DYRK4: variants seen among roughly 807,000 people sequenced by gnomAD.
DYRK4 encodes dual specificity tyrosine phosphorylation regulated kinase 4, also known as dual specificity tyrosine-phosphorylation-regulated kinase 4.
A neutral mutation model predicts 68.3 loss-of-function variants in DYRK4; 64 were observed. That is an observed-to-expected ratio of 0.94 (90% CI 0.77 to 1.15). DYRK4 has a LOEUF of 1.15. Among genes scored for constraint, DYRK4 ranks in the 50% most tolerant of loss-of-function variants. The pLI is 0.00. For missense variants in DYRK4, 740 were observed against 764.7 expected (o/e 0.97, Z 0.38); for synonymous variants, 274 against 289.9 (o/e 0.95, Z 0.56).
At chr12:4,576,231 T>C (rs983834320) in intron 2 of DYRK4, among the ~76,000 whole-genome samples, 1 of 152,238 alleles carries the variant, frequency 6.6e-6, no homozygotes, top group African/African-American at 2.4e-5. Flanking sequence ...ACTGTCTCCT[T>C]AGTTTTGCCT....
At chr12:4,609,769 G>A (rs762761560) in intron 12 of DYRK4, among the ~76,000 whole-genome samples, 1 of 152,186 alleles carries the variant, frequency 6.6e-6, no homozygotes, top group Non-Finnish European at 1.5e-5. Flanking sequence ...AAAGGAAATG[G>A]ATATTTGTAC....
intron 8 of DYRK4, among the ~76,000 whole-genome samples, chr12:4,598,448 A>G (rs1449847711): frequency 6.6e-6 from 1 of 152,188 alleles, no homozygotes; most frequent in Non-Finnish European, 1.5e-5. Context: ...AAGTCTGTAG[A>G]CTTCATATAA....
chr12:4,604,914 T>C lies in DYRK4; in HGVS notation c.1127T>C (p.Val376Ala). ...FGSSCYEHQKVYTYIQSRFYR... is the reference protein window; with the variant it reads ...FGSSCYEHQKAYTYIQSRFYR... ...GGTTTCTCTTACTTTGCCTCCGCAG[T>C]ATACACGTACATCCAAAGCCGGTTC... The change falls in exon 11 of 15, where the codon GTA becomes GCA. Residue 376 changes from valine to alanine, a missense_variant and splice_region_variant. By Grantham distance (64) the Val-to-Ala change is moderately conservative. Transcript: ENST00000543431. 6.2e-7 allele frequency: 1 copy of C among 1,602,764 alleles called. No homozygotes were observed. Among genetic ancestry groups the C allele is most frequent in the African/African-American group, 1.3e-5 (1 of 74,654 alleles).
At chr12:4,596,536 C>A in intron 7 of DYRK4, 53 bp from the exon 8 acceptor site, 1 of 1,593,962 alleles carries the variant, frequency 6.3e-7, no homozygotes, top group Non-Finnish European at 8.5e-7. Flanking sequence ...GGACCTGACA[C>A]TGATGTTTCT....
rs113028515 is a variant in DYRK4, at chr12:4,603,710, G to T, written c.1127-1204G>T. Among the ~76,000 whole-genome samples, 1,058 of 152,314 alleles carry T rather than the reference G, an allele frequency of 6.9e-3. 19 individuals carry two copies. The highest frequency in any genetic ancestry group is 0.024 in the African/African-American group (988 of 41,566). ...GGACATAAAACCTTTGTGTCTTTAT[G>T]TATGAATCCTATAAGAAATTCCAGC... On this transcript the variant is annotated intron_variant, in intron 10 of 14. Coordinates refer to ENST00000543431, the MANE Select transcript of DYRK4 (RefSeq NM_001394779.1).
chr12:4,610,231 G>A lies in DYRK4; in HGVS notation c.1437G>A (p.Met479Ile), dbSNP rs370312719. The A allele has an allele frequency of 8.8e-6, 14 of 1,598,080 alleles. No individual in the cohort carries two copies. Among genetic ancestry groups the A allele is most frequent in the East Asian group, 2.3e-5 (1 of 43,586 alleles). ...KRYPDSKDLT[M>I]VLKTYDTSFL... ...ACCCAGATTCCAAGGACCTCACGAT[G>A]GTGCTGAAAACCTATGACACCAGCT... Residue 479 changes from methionine (M) to isoleucine (I), a missense_variant, in exon 13 of 15, where the codon ATG becomes ATA. By Grantham distance (10) the Met-to-Ile change is conservative (BLOSUM62 1). Around this residue, in one of 3 missense-constraint regions of DYRK4, gnomAD observed 614 missense variants for 603.7 expected, o/e 1.02. Coordinates refer to ENST00000543431, the MANE Select transcript of DYRK4 (RefSeq NM_001394779.1).
rs1945164935 is a variant in DYRK4 at position 4,607,352 on chromosome 12, T to A, written c.1325T>A (p.Phe442Tyr). 6.2e-7 allele frequency: 1 copy of A among 1,614,126 alleles called. No individual in the cohort carries two copies. The highest frequency in any genetic ancestry group is 8.5e-7 in the Non-Finnish European group (1 of 1,180,042). ...GTGCTGGGTCTGCCGCCAGCCGGCT[T>A]CATTCAGACAGCCTCCAGGAGACAG... ...MEVLGLPPAG[F>Y]IQTASRRQTF... The change falls in exon 12 of 15, where the codon TTC (phenylalanine) becomes TAC (tyrosine). Residue 442 changes from phenylalanine (F) to tyrosine (Y), a missense_variant. Around this residue, in one of 3 missense-constraint regions of DYRK4, gnomAD observed 614 missense variants for 603.7 expected, o/e 1.02. Coordinates refer to ENST00000543431, the MANE Select transcript of DYRK4 (RefSeq NM_001394779.1).
At chr12:4,593,354 A>G (rs927340957) in intron 6 of DYRK4, among the ~76,000 whole-genome samples, 189 bp downstream of exon 6, 2 of 152,210 alleles carry the variant, frequency 1.3e-5, no homozygotes, top group African/African-American at 4.8e-5. Context: ...GCAATTTAGT[A>G]TGCAAAATAC....
intron 10 of DYRK4, among the ~76,000 whole-genome samples, chr12:4,600,774 C>G (rs1375968454): frequency 1.3e-5 from 2 of 151,938 alleles, no homozygotes; most frequent in Admixed American, 6.6e-5. Flanking sequence ...CCTGGAAGCT[C>G]TCTGAATCCT....
chr12:4,574,029 T>G (rs566548548), intron 2 of DYRK4, among the ~76,000 whole-genome samples: 2 of 151,942 alleles, frequency 1.3e-5, no homozygotes, highest in South Asian at 4.2e-4. Context: ...ATGGAGACCA[T>G]CCTGGCTAAC....
rs114053216 is a variant in DYRK4, at chr12:4,595,731, C to G, written c.628-418C>G. ...AACTTCCCCCAAACCAGAGATGCTG[C>G]TTAACTTCAAGACTCATAAAATGTC... On this transcript the variant is annotated intron_variant, in intron 6 of 14. Transcript: ENST00000543431. Among the ~76,000 whole-genome samples the G allele has an allele frequency of 7.7e-3, 1,179 of 152,324 alleles. 11 individuals are homozygous for G. The highest frequency in any genetic ancestry group is 0.027 in the African/African-American group (1,103 of 41,566).
At chr12:4,573,344 T>C (rs752377183) in intron 2 of DYRK4, 1 of 1,287,934 alleles carries the variant, frequency 7.8e-7, no homozygotes, top group South Asian at 1.2e-5. Context: ...CCACTCTTTC[T>C]GAGATCTACA....
At chr12:4,593,395 G>C (rs144925034) in intron 6 of DYRK4, among the ~76,000 whole-genome samples, 75 of 152,256 alleles carry the variant, frequency 4.9e-4, no homozygotes, top group African/African-American at 1.8e-3. Context: ...TTTCCCCCAA[G>C]CATAGTTGGG....
In DYRK4 at chr12:4,602,074, AGG is replaced by A. The variant is rs1165419840; in HGVS notation, c.1126+2288_1126+2289del. On this transcript the variant is annotated intron_variant, in intron 10 of 14. Coordinates refer to ENST00000543431, the MANE Select transcript of DYRK4 (RefSeq NM_001394779.1). ...TTATCTGCATGTTGCATCTTTCTCA[AGG>A]GTAGTTCTTGAACCACTTTTCTACT... The A allele has an allele frequency of 7.2e-6, 3 of 419,166 alleles. No homozygotes were observed. The East Asian group carries it at 1.5e-4, about 22-fold the overall frequency. 26.0% of individuals were successfully genotyped at this position (419,166 alleles called of 1,614,324 possible).
Position 4,590,727 on chromosome 12 carries a change from C to T in DYRK4, c.324+287C>T, listed in dbSNP as rs1944944471. 5 of 463,428 alleles carry T rather than the reference C, an allele frequency of 1.1e-5. No homozygotes were observed. In the Admixed American group the frequency reaches 2.1e-4, roughly 20 times the overall value. 28.7% of individuals were successfully genotyped at this position (463,428 alleles called of 1,614,324 possible). On this transcript the variant is annotated intron_variant, in intron 4 of 14. Transcript: ENST00000543431. ...TGGAACCATACAAAATATTAGTTTC[C>T]TCCCATGTCCTCCTACTTCTTTTGT...
In DYRK4 at chr12:4,563,187, C is replaced by G. The variant is rs7310751; in HGVS notation, c.38+904C>G. ...ACCTACATGTGGTCGGTATGTAAAA[C>G]CTAGGAGTTCGAAGAAATTCTTCAA... On this transcript the variant is annotated intron_variant, in intron 1 of 14. Transcript: ENST00000543431. 5.5e-3 allele frequency: 2,507 copies of G among 454,882 alleles called. 52 individuals carry two copies. Among genetic ancestry groups the G allele is most frequent in the African/African-American group, 0.045 (2,272 of 50,126 alleles). The allele number at this position is 454,882 out of a possible 1,614,324, so 28.2% of individuals were successfully genotyped here.
intron 10 of DYRK4, among the ~76,000 whole-genome samples, chr12:4,601,634 C>T (rs1366774777): frequency 6.6e-6 from 1 of 152,090 alleles, no homozygotes; most frequent in Non-Finnish European, 1.5e-5. Context: ...AGGATTTGCA[C>T]CACACTGTTA....
chr12:4,595,339 T>TA (rs2137373608), intron 6 of DYRK4, among the ~76,000 whole-genome samples: 1 of 152,272 alleles, frequency 6.6e-6, no homozygotes, highest in South Asian at 2.1e-4. Context: ...CACTAGAAAT[T>TA]AGAGACCCAC....
At chr12:4,602,601 T>G in intron 10 of DYRK4, 1 of 1,329,636 alleles carries the variant, frequency 7.5e-7, no homozygotes, top group Non-Finnish European at 1.1e-6. Context: ...CAATCTTTGC[T>G]GCAGAATCTT....
Sources: allele counts gnomAD v4.1 joint callset (sites outside exome capture counted in the v4.1 genomes callset), GRCh38; gene constraint gnomAD v4.1.1; regional missense constraint gnomAD v4.1.1; transcripts MANE v1.5; gene names NCBI Gene and HGNC (gene_info 2026-07-23, HGNC 2026-07-21).